SYNE1: variants seen among roughly 807,000 people sequenced by gnomAD.
SYNE1 encodes spectrin repeat containing nuclear envelope protein 1.
In SYNE1, 616 loss-of-function variants were observed where a neutral mutation model predicts 1,111.0. The ratio of observed to expected loss-of-function variants is 0.55; its 90% CI spans 0.52 to 0.59. SYNE1 has a LOEUF of 0.59. Among genes scored for constraint, SYNE1 ranks in the 20% least tolerant of loss-of-function variants. The probability of loss-of-function intolerance (pLI) is 0.00; values close to 1 mark genes in which losing one functional copy is unlikely to be tolerated. For missense variants in SYNE1, 10,006 were observed against 10,417.0 expected (o/e 0.96, Z 1.72); for synonymous variants, 3,855 against 3,825.8 (o/e 1.01, Z -0.28).
chr6:152,340,450 T>C (rs2096509307), intron 74 of SYNE1, among the ~76,000 whole-genome samples: 1 of 152,190 alleles, frequency 6.6e-6, no homozygotes, highest in South Asian at 2.1e-4. Context: ...GGCTGACTTA[T>C]AGCTTGCTAG....
intron 44 of SYNE1, among the ~76,000 whole-genome samples, chr6:152,408,416 TTA>T (rs1418066871): frequency 2.0e-5 from 3 of 152,308 alleles, no homozygotes; most frequent in African/African-American, 7.2e-5. Context: ...CTTAAAATTA[TTA>T]TATGTTATGG....
chr6:152,295,520 T>C (rs987443304), intron 93 of SYNE1, among the ~76,000 whole-genome samples: 3 of 152,142 alleles, frequency 2.0e-5, no homozygotes, highest in Admixed American at 2.0e-4. Context: ...GCCAAGACTC[T>C]TGTTTCTCTT....
chr6:152,212,855 T>C (rs1347051172), intron 123 of SYNE1, among the ~76,000 whole-genome samples: 1 of 152,204 alleles, frequency 6.6e-6, no homozygotes, highest in African/African-American at 2.4e-5. Flanking sequence ...TAGTCTTTTT[T>C]CTATTATTTC....
At chr6:152,139,298 C>A (rs762437750) in intron 140 of SYNE1, among the ~76,000 whole-genome samples, 1 of 151,942 alleles carries the variant, frequency 6.6e-6, no homozygotes, top group African/African-American at 2.4e-5. Context: ...TGGCCGGGCA[C>A]GGTGGCTCAT....
intron 4 of SYNE1, among the ~76,000 whole-genome samples, chr6:152,532,575 G>C (rs1295758797): frequency 1.3e-5 from 2 of 152,106 alleles, no homozygotes; most frequent in East Asian, 1.9e-4. Context: ...GCACAGTCAG[G>C]GTTGCTGAAC....
intron 95 of SYNE1, among the ~76,000 whole-genome samples, chr6:152,290,108 A>G (rs2094529099): frequency 6.6e-6 from 1 of 151,754 alleles, no homozygotes; most frequent in Admixed American, 6.6e-5. Context: ...ATAACCACAG[A>G]CCTCTGTGCG....
intron 3 of SYNE1, among the ~76,000 whole-genome samples, chr6:152,587,380 C>T (rs932452077): frequency 6.6e-6 from 1 of 152,166 alleles, no homozygotes; most frequent in Non-Finnish European, 1.5e-5. Context: ...CTTAAATTAT[C>T]TAACCAATAT....
intron 105 of SYNE1, among the ~76,000 whole-genome samples, 193 bp downstream of exon 105, chr6:152,248,968 A>T (rs2088279632): frequency 6.6e-6 from 1 of 152,184 alleles, no homozygotes; most frequent in Middle Eastern, 3.2e-3. Context: ...CACATTTCCT[A>T]GTTCTGTGCA....
At chr6:152,499,504 T>C (rs528668757) in intron 10 of SYNE1, among the ~76,000 whole-genome samples, 20 of 152,194 alleles carry the variant, frequency 1.3e-4, no homozygotes, top group African/African-American at 4.6e-4. Context: ...CTGGTAGATA[T>C]GTTCATGCCA....
In SYNE1 at chr6:152,416,451, C is replaced by T; in HGVS notation, c.5986G>A (p.Asp1996Asn). 1 of 1,614,076 alleles carries T rather than the reference C, an allele frequency of 6.2e-7. No homozygotes were observed. Residue 1996 changes from aspartate to asparagine, a missense_variant, in exon 41 of 146, where the codon GAC (aspartate) becomes AAC (asparagine). Asp to Asn is a conservative substitution (Grantham distance 23, BLOSUM62 1). Coordinates refer to ENST00000367255, the MANE Select transcript of SYNE1 (RefSeq NM_182961.4). ...QKEELLKSIE[D>N]IEERTDKERL... The stretch of plus-strand genomic sequence containing the variant: ...TCTTTGTCAGTCCTTTCTTCAATGT[C>T]CTCAATGCTTTTCAGAAGCTCCTCT...
intron 95 of SYNE1, among the ~76,000 whole-genome samples, chr6:152,284,610 A>ATTTTTTTT: frequency 9.2e-6 from 1 of 108,150 alleles, no homozygotes; most frequent in South Asian, 3.1e-4. Context: ...ACACCTGGTA[A>ATTTTTTTT]TTTTTTTTTT....
intron 128 of SYNE1, among the ~76,000 whole-genome samples, chr6:152,185,093 A>G (rs970393742): frequency 1.3e-5 from 2 of 152,208 alleles, no homozygotes; most frequent in Non-Finnish European, 2.9e-5. Flanking sequence ...CAAAACAACG[A>G]GCAATTACGA....
intron 33 of SYNE1, 99 bp downstream of exon 33, chr6:152,435,842 C>T: frequency 7.0e-7 from 1 of 1,433,766 alleles, no homozygotes; most frequent in East Asian, 2.3e-5. Context: ...TACACAGACA[C>T]TTTGAGATTT....
intron 3 of SYNE1, among the ~76,000 whole-genome samples, chr6:152,603,753 A>G (rs921857342): frequency 1.4e-5 from 2 of 147,530 alleles, no homozygotes; most frequent in Admixed American, 1.4e-4. Context: ...ATTTAAGCCC[A>G]GGAATTCAAG....
At chr6:152,336,667 T>C (rs2096397329) in intron 76 of SYNE1, 174 bp downstream of exon 76, 2 of 824,872 alleles carry the variant, frequency 2.4e-6, no homozygotes, top group East Asian at 2.7e-5. Context: ...TAACAGGACA[T>C]GGACTTGTGC....
At chr6:152,457,963 CTG>C (rs1359728522) in intron 22 of SYNE1, among the ~76,000 whole-genome samples, 4 of 150,284 alleles carry the variant, frequency 2.7e-5, no homozygotes, top group Non-Finnish European at 3.0e-5. Flanking sequence ...AATATCCTCT[CTG>C]TATAAGTTTT....
intron 139 of SYNE1, among the ~76,000 whole-genome samples, chr6:152,140,849 C>T (rs764049752): frequency 2.0e-5 from 3 of 151,592 alleles, no homozygotes; most frequent in South Asian, 2.1e-4. Context: ...CTGGCTAACA[C>T]GGTGAAACCC....
intron 91 of SYNE1, among the ~76,000 whole-genome samples, chr6:152,305,004 G>A (rs2095327650): frequency 6.6e-6 from 1 of 151,936 alleles, no homozygotes; most frequent in African/African-American, 2.4e-5. Context: ...TTCAAGCTGT[G>A]GTCAAATCCA....
rs371489057 is a variant in SYNE1 at position 152,268,123 on chromosome 6, A to G, written c.18748T>C (p.Ser6250Pro). ...ELAEQKSLLR[S>P]VASRGEEILI... The stretch of plus-strand genomic sequence containing the variant: ...ATCTCCTCTCCACGACTGGCTACTG[A>G]GCGAAGGAGACTCTTCTGCTCGGCT... The change falls in exon 100 of 146, where the codon TCA (serine) becomes CCA (proline). Residue 6250 changes from serine to proline, a missense_variant. Physicochemically the swap from Ser to Pro is moderately conservative, Grantham distance 74 (BLOSUM62 -1). This residue lies in a region of SYNE1 where 2,182 missense variants were observed against 2,287.8 expected (regional missense o/e 0.95). Coordinates refer to ENST00000367255, the MANE Select transcript of SYNE1 (RefSeq NM_182961.4). 6.8e-6 allele frequency: 11 copies of G among 1,614,014 alleles called. No individual in the cohort carries two copies. Among genetic ancestry groups the G allele is most frequent in the African/African-American group, 1.3e-5 (1 of 74,904 alleles).
Sources: gnomAD v4.1 joint callset for allele counts (sites outside exome capture counted in the v4.1 genomes callset) on GRCh38, gnomAD v4.1.1 for gene constraint, gnomAD v4.1.1 regional missense constraint, MANE v1.5 for transcripts, NCBI Gene and HGNC (gene_info 2026-07-23, HGNC 2026-07-21) for gene names.